PHF24: variants seen among roughly 807,000 people sequenced by gnomAD.
The protein encoded by PHF24 is Galpha inhibitory interacting protein.
PHF24 carries 25 observed loss-of-function variants against 42.6 expected under a neutral mutation model. That is an observed-to-expected ratio of 0.59 (90% confidence interval 0.43 to 0.82). The LOEUF is 0.82. Among genes scored for constraint, PHF24 ranks in the 40% least tolerant of loss-of-function variants. The pLI is 0.00. For synonymous variants in PHF24, 185 were observed against 204.8 expected, an observed-to-expected ratio of 0.90 and a Z score of 0.83; for missense variants, 470 against 538.1, an observed-to-expected ratio of 0.87 and a Z score of 1.25.
At chr9:34,802,584 G>C in the PHF24 span, among the ~76,000 whole-genome samples, 3 of 152,106 alleles carry the variant, frequency 2.0e-5, no homozygotes, top group Non-Finnish European at 4.4e-5. Context: ...AAAGCAAAAC[G>C]ATATTTATAA....
the PHF24 span, among the ~76,000 whole-genome samples, chr9:34,673,429 T>C: frequency 6.6e-6 from 1 of 152,018 alleles, no homozygotes; most frequent in African/African-American, 2.4e-5. Flanking sequence ...CAGCCAGGGT[T>C]GCAGATAATC....
chr9:34,902,402 A>T, the PHF24 span, among the ~76,000 whole-genome samples: 1 of 152,206 alleles, frequency 6.6e-6, no homozygotes, highest in Non-Finnish European at 1.5e-5. Context: ...TAATCTCAAC[A>T]CTTTGGGAGG....
At chr9:34,931,093 T>C in the PHF24 span, among the ~76,000 whole-genome samples, 6 of 152,104 alleles carry the variant, frequency 3.9e-5, no homozygotes, top group Non-Finnish European at 7.4e-5. Context: ...AATGGTATAA[T>C]GAGGCCGAGC....
the PHF24 span, among the ~76,000 whole-genome samples, chr9:34,949,901 G>C: frequency 2.0e-5 from 3 of 151,786 alleles, no homozygotes; most frequent in South Asian, 4.2e-4. Context: ...TAATGCATGC[G>C]GAGCTTAAAA....
At chr9:34,900,186 C>T in the PHF24 span, among the ~76,000 whole-genome samples, 2 of 152,116 alleles carry the variant, frequency 1.3e-5, no homozygotes, top group Non-Finnish European at 2.9e-5. Flanking sequence ...TCAGCAAGGC[C>T]AGGGTCCTTC....
chr9:34,894,623 C>A, the PHF24 span: 2 of 397,198 alleles, frequency 5.0e-6, no homozygotes, highest in South Asian at 1.4e-4. Context: ...AACACTAAGT[C>A]ACATCTGTGT....
the PHF24 span, chr9:34,917,807 A>C: frequency 5.9e-6 from 8 of 1,365,902 alleles, no homozygotes; most frequent in African/African-American, 8.4e-5. Context: ...CCTGTGAAGG[A>C]ATCAGCATGG....
At chr9:34,699,455 C>G in the PHF24 span, among the ~76,000 whole-genome samples, 1 of 152,222 alleles carries the variant, frequency 6.6e-6, no homozygotes, top group Non-Finnish European at 1.5e-5. Context: ...TATACTAATT[C>G]ATGTGCAGTG....
chr9:34,677,460 G>A, the PHF24 span, among the ~76,000 whole-genome samples: 19 of 138,674 alleles, frequency 1.4e-4, no homozygotes, highest in Middle Eastern at 3.8e-3. Context: ...GCAGTGGCAC[G>A]ATCTTGGCTC....
At chr9:34,858,537 C>T in the PHF24 span, among the ~76,000 whole-genome samples, 1 of 152,082 alleles carries the variant, frequency 6.6e-6, no homozygotes, top group Non-Finnish European at 1.5e-5. Flanking sequence ...AGGGGCCAGC[C>T]AAGAGGGTGA....
the PHF24 span, among the ~76,000 whole-genome samples, chr9:34,773,765 C>A: frequency 1.9e-4 from 29 of 152,070 alleles, no homozygotes; most frequent in African/African-American, 6.8e-4. Context: ...AGTAGAGGAG[C>A]CTCCTGCAAA....
chr9:34,852,299 G>A, the PHF24 span, among the ~76,000 whole-genome samples: 5 of 152,278 alleles, frequency 3.3e-5, no homozygotes, highest in Admixed American at 6.5e-5. Context: ...GGTAAATTCT[G>A]GGGGAGTCCA....
At chr9:34,737,848 GTC>G in the PHF24 span, among the ~76,000 whole-genome samples, 2 of 152,094 alleles carry the variant, frequency 1.3e-5, no homozygotes, top group African/African-American at 2.4e-5. Context: ...ATGAGATGGT[GTC>G]TGTTTCCTCT....
At chr9:34,940,794 T>G in the PHF24 span, among the ~76,000 whole-genome samples, 1 of 152,194 alleles carries the variant, frequency 6.6e-6, no homozygotes, top group Non-Finnish European at 1.5e-5. Context: ...CTGTGTCACT[T>G]AGATTTCACA....
the PHF24 span, among the ~76,000 whole-genome samples, chr9:34,825,675 C>A: frequency 7.9e-5 from 12 of 151,886 alleles, no homozygotes; most frequent in Admixed American, 1.3e-4. Context: ...CCAAGAACAC[C>A]CAAGTCATGT....
At chr9:34,964,854 TC>T (rs1826714407) in intron 1 of PHF24, among the ~76,000 whole-genome samples, 1 of 152,118 alleles carries the variant, frequency 6.6e-6, no homozygotes, top group Non-Finnish European at 1.5e-5. Flanking sequence ...CCTGCTCCTC[TC>T]CCCTGAGTTT....
chr9:34,691,248 C>G, the PHF24 span: 1 of 898,458 alleles, frequency 1.1e-6, no homozygotes, highest in East Asian at 2.7e-5. Context: ...GGGTGAAATG[C>G]AAGGTGTGAG....
the PHF24 span, among the ~76,000 whole-genome samples, chr9:34,851,019 C>T: frequency 1.0e-3 from 152 of 152,252 alleles, no homozygotes; most frequent in African/African-American, 3.3e-3. Flanking sequence ...CTGGGGGGTG[C>T]CTCCCAGTTA....
At chr9:34,786,821 A>G in the PHF24 span, among the ~76,000 whole-genome samples, 1 of 152,194 alleles carries the variant, frequency 6.6e-6, no homozygotes, top group African/African-American at 2.4e-5. Flanking sequence ...GGATCAGGGG[A>G]TAACCCGGTT....
Sources: gnomAD v4.1 joint callset for allele counts (sites outside exome capture counted in the v4.1 genomes callset) on GRCh38, gnomAD v4.1.1 for gene constraint, MANE v1.5 for transcripts, NCBI Gene and HGNC (gene_info 2026-07-23, HGNC 2026-07-21) for gene names.